CNTNAP2: variants seen among roughly 807,000 people sequenced by gnomAD.
CNTNAP2 encodes contactin-associated protein-like 2.
Under a neutral mutation model 155.2 loss-of-function variants are expected in CNTNAP2, and 98 were observed. The ratio of observed to expected loss-of-function variants is 0.63; its 90% CI spans 0.54 to 0.75. The LOEUF (loss-of-function observed/expected upper bound fraction) is 0.75, where lower values mean the gene tolerates loss of function less well. Among genes scored for constraint, CNTNAP2 ranks in the 30% least tolerant of loss-of-function variants. The pLI, the probability that CNTNAP2 is intolerant of heterozygous loss-of-function variation, is 0.00. For missense variants in CNTNAP2, 1,727 were observed against 1,688.1 expected, an observed-to-expected ratio of 1.02 and a Z score of -0.40; for synonymous variants, 651 against 631.2, an observed-to-expected ratio of 1.03 and a Z score of -0.47.
chr7:148,049,027 C>T (rs1802832849), intron 15 of CNTNAP2, among the ~76,000 whole-genome samples: 1 of 152,102 alleles, frequency 6.6e-6, no homozygotes, highest in Non-Finnish European at 1.5e-5. Context: ...GACTGGCCAA[C>T]ATGGTGAAAC....
At chr7:146,891,758 A>C (rs1006149264) in intron 3 of CNTNAP2, among the ~76,000 whole-genome samples, 5 of 152,194 alleles carry the variant, frequency 3.3e-5, no homozygotes, top group Admixed American at 3.3e-4. Context: ...GTCAGCTCCC[A>C]CTGTCACCAG....
In CNTNAP2 at chr7:148,172,389, G is replaced by T; in HGVS notation, c.2921G>T (p.Cys974Phe). The T allele has an allele frequency of 6.2e-7, 1 of 1,614,124 alleles. No individual in the cohort carries two copies. Among genetic ancestry groups the T allele is most frequent in the Non-Finnish European group, 8.5e-7 (1 of 1,180,026 alleles). The change falls in exon 18 of 24, where the codon TGT (cysteine) becomes TTT (phenylalanine). Residue 974 changes from cysteine (C) to phenylalanine (F), a missense_variant. Coordinates refer to ENST00000361727, the MANE Select transcript of CNTNAP2 (RefSeq NM_014141.6). ...SGHCTSYGTN[C>F]ENGGKCLERY... Reference sequence around the variant, plus strand: ...CATTGCACCAGCTATGGAACAAACTGTGAAAATGGAGGCAAATGCCTAGAG... The same window carrying T: ...CATTGCACCAGCTATGGAACAAACTTTGAAAATGGAGGCAAATGCCTAGAG...
chr7:148,224,876 A>G (rs970233665), intron 19 of CNTNAP2, among the ~76,000 whole-genome samples: 2 of 152,108 alleles, frequency 1.3e-5, no homozygotes, highest in African/African-American at 4.8e-5. Context: ...TTATAAAACC[A>G]TCCGATCTCA....
At chr7:147,663,102 G>A (rs900883726) in intron 13 of CNTNAP2, among the ~76,000 whole-genome samples, 1 of 152,166 alleles carries the variant, frequency 6.6e-6, no homozygotes, top group Non-Finnish European at 1.5e-5. Flanking sequence ...GGGTTCAAGT[G>A]ATTCTCCTGC....
chr7:148,247,642 T>C (rs1157595846), intron 20 of CNTNAP2, among the ~76,000 whole-genome samples: 1 of 142,438 alleles, frequency 7.0e-6, no homozygotes, highest in Non-Finnish European at 1.5e-5. Flanking sequence ...TTTATTTATT[T>C]ATTTATTTAT....
chr7:148,355,986 C>A (rs1017923177), intron 21 of CNTNAP2, among the ~76,000 whole-genome samples: 1 of 152,176 alleles, frequency 6.6e-6, no homozygotes, highest in Admixed American at 6.5e-5. Flanking sequence ...TAAGCCCTGG[C>A]TTCCTCATCT....
chr7:148,297,654 G>T (rs548221860), intron 21 of CNTNAP2, among the ~76,000 whole-genome samples: 4 of 144,360 alleles, frequency 2.8e-5, no homozygotes, highest in Non-Finnish European at 6.1e-5. Flanking sequence ...TTCTGTGATT[G>T]AATATCTTAA....
intron 8 of CNTNAP2, among the ~76,000 whole-genome samples, chr7:147,290,549 G>T (rs370883307): frequency 2.8e-4 from 42 of 151,972 alleles, no homozygotes; most frequent in African/African-American, 9.4e-4. Context: ...CGAGCGTGGT[G>T]GCTTGTGCCT....
At chr7:146,174,758 G>T (rs4427085) in intron 1 of CNTNAP2, among the ~76,000 whole-genome samples, 2 of 151,874 alleles carry the variant, frequency 1.3e-5, no homozygotes, top group South Asian at 2.1e-4. Flanking sequence ...AGGAAGAATC[G>T]CCTTAACCTG....
chr7:147,262,036 A>G (rs2116686539), intron 8 of CNTNAP2, among the ~76,000 whole-genome samples: 1 of 152,342 alleles, frequency 6.6e-6, no homozygotes, highest in Non-Finnish European at 1.5e-5. Context: ...ACCGTGAGCC[A>G]GGCACTGTGT....
intron 1 of CNTNAP2, among the ~76,000 whole-genome samples, chr7:146,130,649 G>A (rs577712248): frequency 1.3e-5 from 2 of 152,278 alleles, no homozygotes; most frequent in South Asian, 2.1e-4. Flanking sequence ...ATTTCAAAGT[G>A]TATTGTTTAT....
chr7:146,772,683 A>G (rs1055643662), intron 1 of CNTNAP2, among the ~76,000 whole-genome samples: 14 of 151,914 alleles, frequency 9.2e-5, no homozygotes, highest in Admixed American at 1.3e-4. Flanking sequence ...AAAAATAAAA[A>G]AGAAAAAAGA....
Position 147,645,348 on chromosome 7 carries a change from T to C in CNTNAP2, c.2098+6042T>C, listed in dbSNP as rs1260951270. On this transcript the variant is annotated intron_variant, in intron 13 of 23. Transcript: ENST00000361727. ...GCAGCATTTAACTCTTAAGACGACA[T>C]GGATAAATCAATTCCAATAAAAGAT... 2.0e-5 allele frequency among the ~76,000 whole-genome samples: 3 copies of C among 152,326 alleles called. No individual in the cohort carries two copies. The East Asian group carries it at 5.8e-4, about 29-fold the overall frequency.
chr7:147,424,414 C>T (rs1415678874), intron 10 of CNTNAP2, among the ~76,000 whole-genome samples: 2 of 152,086 alleles, frequency 1.3e-5, no homozygotes, highest in African/African-American at 2.4e-5. Context: ...CAAATCATTC[C>T]GTCTTTCTTG....
chr7:146,231,531 A>C (rs766630808), intron 1 of CNTNAP2, among the ~76,000 whole-genome samples: 4 of 152,220 alleles, frequency 2.6e-5, no homozygotes, highest in Non-Finnish European at 5.9e-5. Context: ...ATGTAGAATG[A>C]GCATAAAATA....
intron 2 of CNTNAP2, among the ~76,000 whole-genome samples, chr7:146,786,389 G>T (rs1181589668): frequency 6.6e-6 from 1 of 152,118 alleles, no homozygotes; most frequent in Non-Finnish European, 1.5e-5. Flanking sequence ...TAGCAAATTA[G>T]TGACTTTTTC....
chr7:146,773,707 C>G (rs1262805070), intron 1 of CNTNAP2, among the ~76,000 whole-genome samples: 1 of 152,150 alleles, frequency 6.6e-6, no homozygotes, highest in African/African-American at 2.4e-5. Context: ...TTTTTCTATT[C>G]TAGTGAGAAC....
intron 15 of CNTNAP2, among the ~76,000 whole-genome samples, chr7:148,003,084 T>C (rs1028773695): frequency 1.6e-4 from 25 of 152,122 alleles, no homozygotes; most frequent in Admixed American, 1.6e-3. Context: ...TTCTATGATA[T>C]GGAAAGAACT....
chr7:147,253,383 GTT>G (rs556721401), intron 8 of CNTNAP2, among the ~76,000 whole-genome samples: 90 of 118,546 alleles, frequency 7.6e-4, no homozygotes, highest in African/African-American at 2.0e-3. Context: ...CAGGTTCTCT[GTT>G]TTTTTTTTTT....
Sources: allele counts gnomAD v4.1 joint callset (sites outside exome capture counted in the v4.1 genomes callset), GRCh38; gene constraint gnomAD v4.1.1; transcripts MANE v1.5; gene names NCBI Gene and HGNC (gene_info 2026-07-23, HGNC 2026-07-21).